The following GSAP variants were observed in gnomAD, a reference collection of about 807,000 sequenced individuals.
GSAP encodes the protein gamma-secretase-activating protein.
In GSAP, 118 loss-of-function variants were observed where a neutral mutation model predicts 131.7. That is an observed-to-expected ratio of 0.90 (90% CI 0.77 to 1.04). GSAP has a LOEUF of 1.04. Among genes scored for constraint, GSAP ranks in the 50% least tolerant of loss-of-function variants. The pLI is 0.00. For synonymous variants in GSAP, 381 were observed against 363.4 expected (o/e 1.05, Z -0.55); for missense variants, 1,019 against 1,013.2 (o/e 1.01, Z -0.08).
intron 5 of GSAP, among the ~76,000 whole-genome samples, chr7:77,388,408 A>G (rs1050867377): frequency 1.3e-5 from 2 of 152,226 alleles, no homozygotes; most frequent in African/African-American, 4.8e-5. Context: ...TCCCTCAGGG[A>G]CAGTGGTATA....
At chr7:77,372,341 C>T (rs1314489875) in intron 12 of GSAP, among the ~76,000 whole-genome samples, 1 of 152,142 alleles carries the variant, frequency 6.6e-6, no homozygotes, top group Non-Finnish European at 1.5e-5. Context: ...ATGTATGAAT[C>T]TTGATGGAAT....
rs771021401 is a variant in GSAP, at chr7:77,383,153, C to T, written c.457-510G>A. ...AGTGAGCCAAGATCATGCCACTATA[C>T]TCTAGCCTGGGTGATAGAGCAAGAC... On this transcript the variant is annotated intron_variant, in intron 6 of 30. Transcript: ENST00000257626. Among the ~76,000 whole-genome samples the T allele has an allele frequency of 2.6e-4, 39 of 152,166 alleles. 1 individual carries two copies. Among genetic ancestry groups the T allele is most frequent in the Non-Finnish European group, 5.9e-5 (4 of 68,026 alleles).
At position 77,366,550 on chromosome 7, in the gene GSAP, G is replaced by A. The variant is rs1196790153; in HGVS notation, c.872-3890C>T. Among the ~76,000 whole-genome samples, 3 of 152,114 alleles carry A rather than the reference G, an allele frequency of 2.0e-5. No homozygotes were observed. The East Asian group carries it at 5.8e-4, about 29-fold the overall frequency. On this transcript the variant is annotated intron_variant, in intron 12 of 30. Transcript: ENST00000257626. ...AAGATCAGGTAGTCATAGGTGTGCA[G>A]CCTTATTTCTGGGTTCGCTATTCCA... is the stretch of plus-strand genomic sequence containing the variant.
At chr7:77,314,682 T>G (rs1273254719) in intron 26 of GSAP, 193 bp from the exon 27 acceptor site, 2 of 537,262 alleles carry the variant, frequency 3.7e-6, no homozygotes, top group Non-Finnish European at 6.6e-6. Flanking sequence ...GGGTCTATAG[T>G]AAGTTTCCGG....
chr7:77,352,284 G>A (rs1393939959), intron 18 of GSAP, among the ~76,000 whole-genome samples: 4 of 152,172 alleles, frequency 2.6e-5, no homozygotes, highest in African/African-American at 9.7e-5. Context: ...CAAGCATGTA[G>A]TTCTAATATC....
Position 77,416,198 on chromosome 7 carries a change from G to GCGCGCCTCC in GSAP, c.109+6_109+14dup. ...CTCCCCGCCCCCACCCCTCTCCGCA[G>GCGCGCCTCC]CGCGCCTCCCGCACCTGCGCCGCCG... On this transcript the variant is annotated intron_variant, in intron 1 of 30. Transcript: ENST00000257626. 9.2e-7 allele frequency: 1 copy of GCGCGCCTCC among 1,084,616 alleles called. No individual in the cohort carries two copies. Among genetic ancestry groups the GCGCGCCTCC allele is most frequent in the South Asian group, 1.6e-5 (1 of 60,810 alleles). The allele number at this position is 1,084,616 out of a possible 1,614,324, so 67.2% of individuals were successfully genotyped here.
At chr7:77,405,163 A>G (rs945712578) in intron 2 of GSAP, among the ~76,000 whole-genome samples, 1 of 152,236 alleles carries the variant, frequency 6.6e-6, no homozygotes, top group African/African-American at 2.4e-5. Flanking sequence ...CATGCTTCAC[A>G]TGCCTATAGT....
intron 29 of GSAP, 68 bp from the exon 30 acceptor site, chr7:77,312,008 T>A: frequency 1.7e-6 from 2 of 1,199,786 alleles, no homozygotes; most frequent in Non-Finnish European, 2.5e-6. Flanking sequence ...AATAAAGTGA[T>A]AAGAACTGTA....
chr7:77,379,996 G>A (rs554601559), intron 8 of GSAP: 88 of 686,786 alleles, frequency 1.3e-4, no homozygotes, highest in Non-Finnish European at 1.4e-4. Flanking sequence ...CAATTTTGAT[G>A]CAGACTAAAT....
chr7:77,393,485 T>C (rs777982528), intron 5 of GSAP, among the ~76,000 whole-genome samples: 7 of 152,014 alleles, frequency 4.6e-5, no homozygotes, highest in Non-Finnish European at 8.8e-5. Flanking sequence ...CTATTAGGCA[T>C]GTCAAACTGA....
At chr7:77,392,051 C>T (rs1799632450) in intron 5 of GSAP, among the ~76,000 whole-genome samples, 1 of 151,936 alleles carries the variant, frequency 6.6e-6, no homozygotes, top group African/African-American at 2.4e-5. Flanking sequence ...ACGGGGAAAC[C>T]CCGTCTCTAC....
intron 17 of GSAP, 129 bp downstream of exon 17, chr7:77,353,436 AGAGTTTT>A (rs1793189399): frequency 1.7e-6 from 1 of 593,194 alleles, no homozygotes; most frequent in Admixed American, 3.3e-5. Flanking sequence ...TGACTCCGAT[AGAGTTTT>A]GTTTTTTTTT....
intron 12 of GSAP, among the ~76,000 whole-genome samples, chr7:77,362,910 T>C (rs929221358): frequency 3.9e-5 from 6 of 152,186 alleles, no homozygotes; most frequent in Non-Finnish European, 8.8e-5. Context: ...AACACAGATA[T>C]ACTCCTGCAT....
At chr7:77,401,589 T>A (rs1248653244) in intron 3 of GSAP, among the ~76,000 whole-genome samples, 1 of 151,812 alleles carries the variant, frequency 6.6e-6, no homozygotes, top group South Asian at 2.1e-4. Context: ...CTAAAAAAAA[T>A]GGTTAAAAAA....
chr7:77,320,330 G>A (rs1438400790), intron 26 of GSAP, among the ~76,000 whole-genome samples: 2 of 152,102 alleles, frequency 1.3e-5, no homozygotes, highest in Non-Finnish European at 2.9e-5. Flanking sequence ...GAATTTTTTA[G>A]CCTCCAAGCG....
chr7:77,350,899 C>G (rs1200867838), intron 18 of GSAP, among the ~76,000 whole-genome samples: 1 of 152,042 alleles, frequency 6.6e-6, no homozygotes, highest in Non-Finnish European at 1.5e-5. Context: ...GCCTTTTATT[C>G]ACTATTATTT....
intron 3 of GSAP, among the ~76,000 whole-genome samples, chr7:77,400,258 G>A (rs1184501952): frequency 1.3e-5 from 2 of 152,100 alleles, no homozygotes; most frequent in Non-Finnish European, 2.9e-5. Context: ...CCCACCAAGA[G>A]TGAAAGCAAA....
chr7:77,311,202 G>C lies in GSAP; in HGVS notation c.*156C>G, dbSNP rs534716377. 398 of 600,544 alleles carry C rather than the reference G, an allele frequency of 6.6e-4. 2 individuals are homozygous for C. The highest frequency in any genetic ancestry group is 2.8e-3 in the South Asian group (140 of 49,730). The allele number at this position is 600,544 out of a possible 1,614,324, so 37.2% of individuals were successfully genotyped here. ...AATTGGAATGTGATACAGCAGTTCT[G>C]TCTGAACGTGTACCAACCTGAAACT... On this transcript the variant is annotated 3_prime_UTR_variant, in exon 31 of 31. Transcript: ENST00000257626.
intron 19 of GSAP, among the ~76,000 whole-genome samples, chr7:77,345,252 A>G (rs972775427): frequency 6.6e-6 from 1 of 152,112 alleles, no homozygotes; most frequent in East Asian, 1.9e-4. Flanking sequence ...CAACCCCACA[A>G]TATCACCCCT....
Sources: gnomAD v4.1 joint callset for allele counts (sites outside exome capture counted in the v4.1 genomes callset) on GRCh38, gnomAD v4.1.1 for gene constraint, MANE v1.5 for transcripts, NCBI Gene and HGNC (gene_info 2026-07-23, HGNC 2026-07-21) for gene names.